The following CATSPERG variants were observed in gnomAD, a reference collection of about 807,000 sequenced individuals.
CATSPERG encodes the protein cation channel sperm-associated auxiliary subunit gamma.
CATSPERG carries 115 observed loss-of-function variants against 145.0 expected under a neutral mutation model. The ratio of observed to expected loss-of-function variants is 0.79; its 90% CI spans 0.68 to 0.93. CATSPERG has a LOEUF of 0.93. Ranked by LOEUF, CATSPERG falls within the 40% of genes least tolerant of loss-of-function variation. CATSPERG has a pLI of 0.00. For missense variants in CATSPERG, 1,296 were observed against 1,490.1 expected, an observed-to-expected ratio of 0.87 and a Z score of 2.14; for synonymous variants, 588 against 589.0, an observed-to-expected ratio of 1.00 and a Z score of 0.02.
chr19:38,369,904 G>T, intron 26 of CATSPERG, 68 bp from the exon 27 acceptor site: 1 of 1,458,712 alleles, frequency 6.9e-7, no homozygotes. Flanking sequence ...TTGGGTGGAG[G>T]AAGAAATTGG....
chr19:38,353,990 C>CAA (rs965226814), intron 8 of CATSPERG, among the ~76,000 whole-genome samples: 2,067 of 30,550 alleles, frequency 0.068, 192 homozygotes, highest in East Asian at 0.28. Context: ...GACTCTGTCT[C>CAA]AAAAAAAAAA....
In CATSPERG at chr19:38,367,817, C is replaced by T. The variant is rs1392969457; in HGVS notation, c.2930+41C>T. On this transcript the variant is annotated intron_variant, in intron 25 of 28. Coordinates refer to ENST00000409235, the MANE Select transcript of CATSPERG (RefSeq NM_021185.5). ...TCCCACGTGTAATCCACCTTGCTTC[C>T]CCTGGAGGCCTTTCCCACTTCCAAG... The T allele has an allele frequency of 1.0e-5, 16 of 1,571,264 alleles. No individual in the cohort carries two copies. In the Admixed American group the frequency reaches 1.5e-4, roughly 15 times the overall value.
chr19:38,363,377 A>G (rs1289617005), intron 20 of CATSPERG, among the ~76,000 whole-genome samples: 2 of 150,516 alleles, frequency 1.3e-5, no homozygotes, highest in Non-Finnish European at 3.0e-5. Context: ...GGGTCTCCCT[A>G]TGTTGCCCAG....
chr19:38,336,886 C>T (rs2145054943), intron 1 of CATSPERG: 1 of 422,114 alleles, frequency 2.4e-6, no homozygotes, highest in South Asian at 2.2e-5. Flanking sequence ...TGGCCAGAAA[C>T]ATTAGTAGGG....
Position 38,344,350 on chromosome 19 carries a change from A to T in CATSPERG, c.651A>T (p.Gln217His). Residue 217 changes from glutamine to histidine, a missense_variant, in exon 6 of 29, where the codon CAA becomes CAT. Physicochemically the swap from Gln to His is conservative, Grantham distance 24. Transcript: ENST00000409235. ...FLKRDRDNNIQFTVGEELFNL... is the reference protein window; with the variant it reads ...FLKRDRDNNIHFTVGEELFNL... Reference sequence around the variant, plus strand: ...AGAGAGACCGGGACAATAACATCCAATTCACTGTGGGAGAGGAGGTGAGGG... The same window carrying T: ...AGAGAGACCGGGACAATAACATCCATTTCACTGTGGGAGAGGAGGTGAGGG... 1 of 1,551,712 alleles carries T rather than the reference A, an allele frequency of 6.4e-7. No individual in the cohort carries two copies. The highest frequency in any genetic ancestry group is 8.7e-7 in the Non-Finnish European group (1 of 1,146,942).
At chr19:38,347,247 G>T (rs1970055622) in intron 7 of CATSPERG, among the ~76,000 whole-genome samples, 1 of 152,016 alleles carries the variant, frequency 6.6e-6, no homozygotes, top group Non-Finnish European at 1.5e-5. Context: ...GCGTGGTAGT[G>T]GGCGCCTGTA....
chr19:38,359,797 C>T, intron 14 of CATSPERG: 1 of 1,301,358 alleles, frequency 7.7e-7, no homozygotes, highest in Non-Finnish European at 9.8e-7. Context: ...ATCCGATGTT[C>T]AGAGGCGGCC....
At position 38,362,824 on chromosome 19, in the gene CATSPERG, C is replaced by CA; in HGVS notation, c.2467_2468insA (p.Leu823HisfsTer9). Reference sequence around the variant, plus strand: ...GGTCCTGATTAATCGCAACTCGGTGCTATTTTCGGTGAGGCCCCCCGGGGA... The same window carrying CA: ...GGTCCTGATTAATCGCAACTCGGTGCATATTTTCGGTGAGGCCCCCCGGGGA... On this transcript the variant is annotated frameshift_variant, in exon 20 of 29. Coordinates refer to ENST00000409235, the MANE Select transcript of CATSPERG (RefSeq NM_021185.5). LOFTEE classifies it high-confidence loss of function. The CA allele has an allele frequency of 3.1e-6, 5 of 1,594,224 alleles. No homozygotes were observed. The highest frequency in any genetic ancestry group is 1.7e-4 in the Middle Eastern group (1 of 5,896).
intron 3 of CATSPERG, chr19:38,337,877 C>T (rs1969870665): frequency 2.6e-6 from 1 of 386,424 alleles, no homozygotes; most frequent in Non-Finnish European, 4.7e-6. Flanking sequence ...TGACACCACG[C>T]CCGGCTAATT....
At position 38,370,565 on chromosome 19, in the gene CATSPERG, A is replaced by G. The variant is rs1462601061; in HGVS notation, c.3253A>G (p.Ile1085Val). The change falls in exon 29 of 29, where the codon ATC becomes GTC. Residue 1085 changes from isoleucine (I) to valine (V), a missense_variant. By Grantham distance (29) the Ile-to-Val change is conservative (BLOSUM62 3). Coordinates refer to ENST00000409235, the MANE Select transcript of CATSPERG (RefSeq NM_021185.5). ...GTTTGTGGGCCTGGTGATCTTCTACATCGCCTTCTGCCTCCTGTGGCCCCT... is the reference window on the plus strand; with the variant it reads ...GTTTGTGGGCCTGGTGATCTTCTACGTCGCCTTCTGCCTCCTGTGGCCCCT... Reference protein sequence around the residue: ...SVFVGLVIFYIAFCLLWPLVV... With the variant: ...SVFVGLVIFYVAFCLLWPLVV... 21 of 1,613,994 alleles carry G rather than the reference A, an allele frequency of 1.3e-5. No homozygotes were observed. In the East Asian group the frequency reaches 4.2e-4, roughly 33 times the overall value.
rs759087064 is a variant in CATSPERG at position 38,360,580 on chromosome 19, A to G, written c.1700A>G (p.Gln567Arg). Residue 567 changes from glutamine (Q) to arginine (R), a missense_variant, in exon 15 of 29, where the codon CAG (glutamine) becomes CGG (arginine). Transcript: ENST00000409235. ...CACATCAGCTTAAAGCTGATGCAAC[A>G]GTCCTCTCTCTACGCATCCAATGAG... Reference protein sequence around the residue: ...QVHISLKLMQQSSLYASNETM... With the variant: ...QVHISLKLMQRSSLYASNETM... 3.2e-5 allele frequency: 52 copies of G among 1,614,092 alleles called. No homozygotes were observed. Among genetic ancestry groups the G allele is most frequent in the Non-Finnish European group, 4.4e-5 (52 of 1,180,026 alleles).
intron 26 of CATSPERG, 35 bp from the exon 27 acceptor site, chr19:38,369,937 G>C: frequency 6.2e-7 from 1 of 1,602,834 alleles, no homozygotes; most frequent in Non-Finnish European, 8.5e-7. Context: ...ACTAGGCATG[G>C]TTGGTAGCAC....
intron 7 of CATSPERG, among the ~76,000 whole-genome samples, chr19:38,346,990 C>T (rs1334838942): frequency 6.6e-6 from 1 of 151,984 alleles, no homozygotes; most frequent in African/African-American, 2.4e-5. Flanking sequence ...GTAGGAGAAT[C>T]GCTTGAGAGC....
At chr19:38,354,026 A>G (rs1321589409) in intron 8 of CATSPERG, among the ~76,000 whole-genome samples, 1 of 147,442 alleles carries the variant, frequency 6.8e-6, no homozygotes, top group African/African-American at 2.4e-5. Context: ...AAAGATACCA[A>G]AGCTCTCTTA....
intron 7 of CATSPERG, among the ~76,000 whole-genome samples, chr19:38,351,994 A>C (rs1173269936): frequency 1.3e-5 from 2 of 152,194 alleles, no homozygotes; most frequent in Non-Finnish European, 2.9e-5. Flanking sequence ...AGGACCGCTA[A>C]GGACCGTTGA....
At chr19:38,362,189 G>C (rs1970360103) in intron 17 of CATSPERG, 21 bp from the exon 18 acceptor site, 1 of 1,570,278 alleles carries the variant, frequency 6.4e-7, no homozygotes, top group Admixed American at 1.9e-5. Context: ...ATCCCTTCAC[G>C]GTGCCGGGCG....
intron 3 of CATSPERG, among the ~76,000 whole-genome samples, chr19:38,338,731 T>C (rs1465284977): frequency 6.6e-6 from 1 of 152,082 alleles, no homozygotes; most frequent in Non-Finnish European, 1.5e-5. Flanking sequence ...CCTAGGTGAA[T>C]TTGGCTGGGC....
At chr19:38,367,983 A>G in intron 25 of CATSPERG, 65 bp from the exon 26 acceptor site, 1 of 1,456,798 alleles carries the variant, frequency 6.9e-7, no homozygotes, top group East Asian at 2.3e-5. Context: ...CACACTGACC[A>G]CTGAGGTCAT....
At chr19:38,352,554 C>G in intron 8 of CATSPERG, 122 bp downstream of exon 8, 2 of 970,536 alleles carry the variant, frequency 2.1e-6, no homozygotes, top group Non-Finnish European at 1.6e-6. Flanking sequence ...TGCCAAGGCC[C>G]CAAATCACCC....
Sources: allele counts gnomAD v4.1 joint callset (sites outside exome capture counted in the v4.1 genomes callset), GRCh38; gene constraint gnomAD v4.1.1; transcripts MANE v1.5; gene names NCBI Gene and HGNC (gene_info 2026-07-23, HGNC 2026-07-21).